The following SLC24A3 variants were observed in gnomAD, a reference collection of about 807,000 sequenced individuals.
SLC24A3 encodes the protein solute carrier family 24 member 3, also known as sodium/potassium/calcium exchanger 3.
A neutral mutation model predicts 75.8 loss-of-function variants in SLC24A3; 28 were observed. The observed-to-expected ratio is 0.37, with a 90% CI of 0.27 to 0.51. The LOEUF (loss-of-function observed/expected upper bound fraction) is 0.51, where lower values mean the gene tolerates loss of function less well. SLC24A3 is among the 20% of genes least tolerant of loss of function. SLC24A3 has a pLI of 0.94. For missense variants in SLC24A3, 663 were observed against 847.8 expected, an observed-to-expected ratio of 0.78 and a Z score of 2.71; for synonymous variants, 372 against 334.1, an observed-to-expected ratio of 1.11 and a Z score of -1.24.
intron 2 of SLC24A3, among the ~76,000 whole-genome samples, chr20:19,456,304 T>C (rs1330920540): frequency 1.3e-5 from 2 of 152,140 alleles, no homozygotes. Context: ...ATAATTCCCA[T>C]GTGTTGTGGG....
rs115329169 is a variant in SLC24A3, at chr20:19,513,701, T to C, written c.272-1787T>C. Among the ~76,000 whole-genome samples the C allele has an allele frequency of 6.0e-3, 904 of 150,952 alleles. 10 individuals carry two copies. The highest frequency in any genetic ancestry group is 0.021 in the African/African-American group (849 of 40,872). On this transcript the variant is annotated intron_variant, in intron 2 of 16. Transcript: ENST00000328041. ...GACCATACAAAACTAGAGATTGTGATTGGCTAGACACACAGGTGGGTCTTG... is the reference window on the plus strand; with the variant it reads ...GACCATACAAAACTAGAGATTGTGACTGGCTAGACACACAGGTGGGTCTTG...
At chr20:19,582,096 G>C (rs926354503) in intron 4 of SLC24A3, among the ~76,000 whole-genome samples, 4 of 152,234 alleles carry the variant, frequency 2.6e-5, no homozygotes, top group Non-Finnish European at 5.9e-5. Context: ...GCTGAGGTCA[G>C]AGCTCACATA....
chr20:19,695,562 G>A (rs1171207814), intron 13 of SLC24A3: 1 of 152,082 alleles, frequency 6.6e-6, no homozygotes, highest in African/African-American at 2.4e-5. Flanking sequence ...TTGTTACATG[G>A]ATATATTGTG....
chr20:19,369,668 G>A (rs753037514), intron 2 of SLC24A3, among the ~76,000 whole-genome samples: 1 of 152,006 alleles, frequency 6.6e-6, no homozygotes, highest in South Asian at 2.1e-4. Context: ...AAAATACTTA[G>A]GTATCCTTGT....
chr20:19,318,046 G>A (rs972388603), intron 2 of SLC24A3, among the ~76,000 whole-genome samples: 3 of 152,170 alleles, frequency 2.0e-5, no homozygotes, highest in Non-Finnish European at 1.5e-5. Context: ...GAGAATTAAC[G>A]ACCTCTGGAG....
intron 3 of SLC24A3, among the ~76,000 whole-genome samples, chr20:19,532,636 G>A (rs1200110139): frequency 6.6e-6 from 1 of 152,204 alleles, no homozygotes; most frequent in Non-Finnish European, 1.5e-5. Context: ...GCAGAATGGG[G>A]AGCTCAGTGG....
chr20:19,325,824 A>G (rs1984844572), intron 2 of SLC24A3, among the ~76,000 whole-genome samples: 1 of 113,192 alleles, frequency 8.8e-6, no homozygotes, highest in Admixed American at 8.5e-5. Flanking sequence ...AGAGAGAGAG[A>G]GAGAGAGAGA....
chr20:19,619,193 G>T (rs551381904), intron 6 of SLC24A3, among the ~76,000 whole-genome samples: 7 of 152,270 alleles, frequency 4.6e-5, no homozygotes, highest in African/African-American at 1.7e-4. Flanking sequence ...GACCTTGCAT[G>T]GCTCCCAGGC....
chr20:19,335,770 G>A (rs1372453133), intron 2 of SLC24A3, among the ~76,000 whole-genome samples: 1 of 152,180 alleles, frequency 6.6e-6, no homozygotes, highest in Non-Finnish European at 1.5e-5. Context: ...CATCCTGCAT[G>A]ATCAACAATT....
rs6112265 is a variant in SLC24A3 at position 19,232,562 on chromosome 20, A to G, written c.142+19578A>G. Among the ~76,000 whole-genome samples the G allele has an allele frequency of 2.8e-3, 426 of 152,302 alleles. 2 individuals carry two copies. The highest frequency in any genetic ancestry group is 9.6e-3 in the African/African-American group (401 of 41,564). ...TATTTGAGATATTTGAATACTGTTAACTGAACACCTTTGTGCATGAGTCTG... is the reference window on the plus strand; with the variant it reads ...TATTTGAGATATTTGAATACTGTTAGCTGAACACCTTTGTGCATGAGTCTG... On this transcript the variant is annotated intron_variant, in intron 1 of 16. Transcript: ENST00000328041.
At chr20:19,416,233 C>T (rs922018633) in intron 2 of SLC24A3, among the ~76,000 whole-genome samples, 2 of 152,188 alleles carry the variant, frequency 1.3e-5, no homozygotes, top group African/African-American at 4.8e-5. Context: ...CAAAACACAA[C>T]ACAAAAACAA....
At chr20:19,718,885 T>C (rs1043685527) in intron 16 of SLC24A3, among the ~76,000 whole-genome samples, 1 of 152,176 alleles carries the variant, frequency 6.6e-6, no homozygotes, top group African/African-American at 2.4e-5. Context: ...AGCCCTGCAG[T>C]TGGGAGAGAT....
intron 2 of SLC24A3, among the ~76,000 whole-genome samples, chr20:19,379,329 G>A (rs1269438086): frequency 6.6e-6 from 1 of 152,164 alleles, no homozygotes; most frequent in Non-Finnish European, 1.5e-5. Flanking sequence ...GGAGTGGGGT[G>A]GTAGAGGTGG....
intron 2 of SLC24A3, among the ~76,000 whole-genome samples, chr20:19,406,433 C>T (rs1331884286): frequency 6.6e-6 from 1 of 152,052 alleles, no homozygotes; most frequent in Non-Finnish European, 1.5e-5. Flanking sequence ...CTTTAATGTC[C>T]ATGCAGAGAC....
intron 2 of SLC24A3, among the ~76,000 whole-genome samples, chr20:19,505,886 G>A (rs1221779813): frequency 6.6e-6 from 1 of 152,138 alleles, no homozygotes. Flanking sequence ...AGGACTGTGG[G>A]CCTGGTATTG....
At chr20:19,700,221 G>T (rs6136818) in intron 15 of SLC24A3, among the ~76,000 whole-genome samples, 12,632 of 152,146 alleles carry the variant, frequency 0.083, 936 homozygotes, top group African/African-American at 0.19. Flanking sequence ...CACGGGATTG[G>T]TTTTTTACTC....
chr20:19,250,200 G>A (rs1447431964), intron 1 of SLC24A3, among the ~76,000 whole-genome samples: 1 of 152,190 alleles, frequency 6.6e-6, no homozygotes, highest in Non-Finnish European at 1.5e-5. Flanking sequence ...GCTTTTGGCA[G>A]CTAACTTTCC....
intron 1 of SLC24A3, among the ~76,000 whole-genome samples, chr20:19,261,556 C>G (rs1982988571): frequency 6.6e-6 from 1 of 151,928 alleles, no homozygotes; most frequent in African/African-American, 2.4e-5. Flanking sequence ...GCTGTATTGC[C>G]CAGGCTGGTC....
intron 3 of SLC24A3, among the ~76,000 whole-genome samples, chr20:19,531,604 CTGTT>C (rs1262957032): frequency 6.6e-6 from 1 of 152,226 alleles, no homozygotes; most frequent in Admixed American, 6.5e-5. Flanking sequence ...AGGAAACAAA[CTGTT>C]TGTATTGTGG....
Sources: allele counts gnomAD v4.1 joint callset (sites outside exome capture counted in the v4.1 genomes callset), GRCh38; gene constraint gnomAD v4.1.1; transcripts MANE v1.5; gene names NCBI Gene and HGNC (gene_info 2026-07-23, HGNC 2026-07-21).